Variants in ZEB2 observed in about 807,000 individuals in gnomAD.
ZEB2 encodes the protein zinc finger E-box-binding homeobox 2.
In ZEB2, 6 loss-of-function variants were observed where a neutral mutation model predicts 99.9. That is an observed-to-expected ratio of 0.06 (90% CI 0.03 to 0.12). The LOEUF (loss-of-function observed/expected upper bound fraction) is 0.12. Among genes scored for constraint, ZEB2 ranks in the 10% least tolerant of loss-of-function variants. The probability of loss-of-function intolerance (pLI) is 1.00; values close to 1 mark genes in which losing one functional copy is unlikely to be tolerated. For synonymous variants in ZEB2, 517 were observed against 542.5 expected (o/e 0.95, Z 0.65); for missense variants, 969 against 1,502.8 (o/e 0.64, Z 5.87).
chr2:144,467,964 A>T (rs75457815), intron 2 of ZEB2, among the ~76,000 whole-genome samples: 2 of 152,248 alleles, frequency 1.3e-5, no homozygotes, highest in East Asian at 3.9e-4. Flanking sequence ...AGATGTAACT[A>T]ATGGGGTTAG....
intron 2 of ZEB2, among the ~76,000 whole-genome samples, chr2:144,476,411 A>T (rs1399046647): frequency 2.6e-5 from 4 of 152,174 alleles, no homozygotes; most frequent in African/African-American, 9.7e-5. Flanking sequence ...CAGCACACCT[A>T]CTCACTTAAA....
At chr2:144,479,823 G>T (rs1273065542) in intron 2 of ZEB2, among the ~76,000 whole-genome samples, 2 of 152,052 alleles carry the variant, frequency 1.3e-5, no homozygotes, top group African/African-American at 4.8e-5. Flanking sequence ...GCTAACCCCA[G>T]GGCTCATTTG....
intron 4 of ZEB2, among the ~76,000 whole-genome samples, chr2:144,411,156 C>A (rs1703460062): frequency 1.5e-5 from 2 of 134,112 alleles, no homozygotes; most frequent in South Asian, 2.4e-4. Context: ...ACACGCTTCC[C>A]CAGTGTAATG....
At chr2:144,485,054 T>C (rs550424227) in intron 2 of ZEB2, among the ~76,000 whole-genome samples, 4 of 152,242 alleles carry the variant, frequency 2.6e-5, no homozygotes, top group Non-Finnish European at 5.9e-5. Flanking sequence ...AGACTATGGA[T>C]CTTGGGGCCA....
chr2:144,518,850 A>G (rs1159383057), intron 1 of ZEB2: 2 of 152,232 alleles, frequency 1.3e-5, no homozygotes, highest in Admixed American at 6.5e-5. Context: ...ATATAAATAC[A>G]TGTTTAATAA....
chr2:144,440,517 T>TACATA (rs1463273071), intron 2 of ZEB2, among the ~76,000 whole-genome samples: 22 of 9,776 alleles, frequency 2.3e-3, no homozygotes, highest in African/African-American at 4.6e-3. Flanking sequence ...ATATATATAT[T>TACATA]TTTTTTTTTT....
chr2:144,444,621 G>C (rs187860481), intron 2 of ZEB2, among the ~76,000 whole-genome samples: 1 of 152,216 alleles, frequency 6.6e-6, no homozygotes, highest in African/African-American at 2.4e-5. Context: ...AAATGATAAT[G>C]AGTGTGTAAA....
At position 144,396,408 on chromosome 2, in the gene ZEB2, A is replaced by T. The variant is rs574499254; in HGVS notation, c.3067+4T>A. ...TCTAACCAGTTAGGCAAAGTCACTC[A>T]TACCTGTGTGTTCGTATTTATGTCG... On this transcript the variant is annotated splice_donor_region_variant and intron_variant, in intron 9 of 9. Coordinates refer to ENST00000627532, the MANE Select transcript of ZEB2 (RefSeq NM_014795.4). 6.2e-7 allele frequency: 1 copy of T among 1,613,010 alleles called. No homozygotes were observed. The highest frequency in any genetic ancestry group is 2.2e-5 in the East Asian group (1 of 44,884).
intron 2 of ZEB2, among the ~76,000 whole-genome samples, chr2:144,453,235 C>T (rs772925317): frequency 6.6e-6 from 1 of 152,254 alleles, no homozygotes; most frequent in East Asian, 1.9e-4. Flanking sequence ...TGTTAGCTAC[C>T]AAAGGATGTG....
At chr2:144,434,633 T>C (rs997740880) in intron 2 of ZEB2, among the ~76,000 whole-genome samples, 1 of 152,190 alleles carries the variant, frequency 6.6e-6, no homozygotes, top group Non-Finnish European at 1.5e-5. Flanking sequence ...CCCTGGGACT[T>C]TTTGGGATTT....
chr2:144,392,532 G>A (rs1703166235), intron 9 of ZEB2, among the ~76,000 whole-genome samples: 3 of 152,152 alleles, frequency 2.0e-5, no homozygotes, highest in Non-Finnish European at 2.9e-5. Flanking sequence ...ATTATGAATT[G>A]ACAACCTGAA....
intron 2 of ZEB2, chr2:144,496,117 T>C (rs1704754796): frequency 1.3e-5 from 2 of 152,276 alleles, no homozygotes; most frequent in African/African-American, 2.4e-5. Flanking sequence ...TGCCATGGGA[T>C]GGCAGAGATA....
chr2:144,386,771 A>G lies in ZEB2; in HGVS notation c.*2680T>C, dbSNP rs1703088576. The G allele has an allele frequency of 6.6e-6, 1 of 152,164 alleles. No homozygotes were observed. The highest frequency in any genetic ancestry group is 1.5e-5 in the Non-Finnish European group (1 of 68,020). 9.4% of individuals were successfully genotyped at this position (152,164 alleles called of 1,614,324 possible). On this transcript the variant is annotated 3_prime_UTR_variant, in exon 10 of 10. Coordinates refer to ENST00000627532, the MANE Select transcript of ZEB2 (RefSeq NM_014795.4). The stretch of plus-strand genomic sequence containing the variant: ...GGTTGAATTAATAAAGTTATCGCCT[A>G]GAGCCTTTCAAACCAGAAAAATTTA...
intron 2 of ZEB2, among the ~76,000 whole-genome samples, chr2:144,504,912 G>A (rs1349758821): frequency 6.6e-6 from 1 of 152,126 alleles, no homozygotes; most frequent in Non-Finnish European, 1.5e-5. Flanking sequence ...CTTATGATAA[G>A]TGTTGCTGTA....
intron 2 of ZEB2, among the ~76,000 whole-genome samples, chr2:144,499,437 C>G (rs935782509): frequency 3.3e-5 from 5 of 152,082 alleles, no homozygotes; most frequent in African/African-American, 1.2e-4. Flanking sequence ...CAATAGAACG[C>G]TTGAAATATA....
At chr2:144,458,423 A>G (rs1406311243) in intron 2 of ZEB2, among the ~76,000 whole-genome samples, 2 of 152,032 alleles carry the variant, frequency 1.3e-5, no homozygotes, top group Non-Finnish European at 2.9e-5. Context: ...ACATTGAGAG[A>G]GGGTTTGCAG....
intron 2 of ZEB2, among the ~76,000 whole-genome samples, chr2:144,436,681 T>G (rs190653054): frequency 6.6e-6 from 1 of 152,286 alleles, no homozygotes; most frequent in Admixed American, 6.5e-5. Flanking sequence ...TTTCCATACA[T>G]TTGTTGAGGT....
intron 2 of ZEB2, among the ~76,000 whole-genome samples, chr2:144,472,545 T>C (rs1409528416): frequency 6.6e-6 from 1 of 152,106 alleles, no homozygotes; most frequent in East Asian, 1.9e-4. Flanking sequence ...ATAAATGATC[T>C]TATTACTCAT....
At chr2:144,433,326 T>C (rs1339027877) in intron 2 of ZEB2, among the ~76,000 whole-genome samples, 1 of 152,170 alleles carries the variant, frequency 6.6e-6, no homozygotes, top group African/African-American at 2.4e-5. Flanking sequence ...TGTGTAACAG[T>C]TGCATTGGCA....
Sources: allele counts gnomAD v4.1 joint callset (sites outside exome capture counted in the v4.1 genomes callset), GRCh38; gene constraint gnomAD v4.1.1; transcripts MANE v1.5; gene names NCBI Gene and HGNC (gene_info 2026-07-23, HGNC 2026-07-21).